CADPS2: variants seen among roughly 807,000 people sequenced by gnomAD.
CADPS2 encodes calcium-dependent secretion activator 2.
In CADPS2, 93 loss-of-function variants were observed where a neutral mutation model predicts 172.5. That is an observed-to-expected ratio of 0.54 (90% CI 0.46 to 0.64). The LOEUF is 0.64. Among genes scored for constraint, CADPS2 ranks in the 30% least tolerant of loss-of-function variants. The probability of loss-of-function intolerance (pLI) is 0.00; values close to 1 mark genes in which losing one functional copy is unlikely to be tolerated. For synonymous variants in CADPS2, 546 were observed against 555.2 expected (o/e 0.98, Z 0.23); for missense variants, 1,420 against 1,565.9 (o/e 0.91, Z 1.57).
At chr7:122,369,133 C>A (rs369504121) in intron 25 of CADPS2, among the ~76,000 whole-genome samples, 2 of 89,092 alleles carry the variant, frequency 2.2e-5, no homozygotes, top group South Asian at 5.1e-4. Flanking sequence ...TGTTTCCCCC[C>A]CCCCCCCCCT....
chr7:122,592,625 T>C (rs1433026903), intron 6 of CADPS2, among the ~76,000 whole-genome samples: 3 of 152,006 alleles, frequency 2.0e-5, no homozygotes, highest in Non-Finnish European at 1.5e-5. Context: ...TAAGAAAATG[T>C]GGCAATATAC....
chr7:122,656,600 T>C (rs1046734883), intron 3 of CADPS2, among the ~76,000 whole-genome samples: 2 of 152,054 alleles, frequency 1.3e-5, no homozygotes, highest in Admixed American at 1.3e-4. Flanking sequence ...TTAATCAGAT[T>C]AGAGGACACT....
At chr7:122,720,888 A>G (rs1007624077) in intron 2 of CADPS2, among the ~76,000 whole-genome samples, 9 of 152,002 alleles carry the variant, frequency 5.9e-5, no homozygotes, top group African/African-American at 2.2e-4. Flanking sequence ...TACATCAAAA[A>G]TGGCCAAATA....
At chr7:122,766,516 C>A (rs1259685968) in intron 1 of CADPS2, among the ~76,000 whole-genome samples, 3 of 152,084 alleles carry the variant, frequency 2.0e-5, no homozygotes, top group Non-Finnish European at 2.9e-5. Context: ...GCCCTAAAAA[C>A]CAAGTTTATT....
intron 8 of CADPS2, among the ~76,000 whole-genome samples, chr7:122,542,870 T>A (rs1029425911): frequency 6.6e-6 from 1 of 152,174 alleles, no homozygotes; most frequent in Non-Finnish European, 1.5e-5. Context: ...TTAATAAACA[T>A]CCATAAACAC....
intron 3 of CADPS2, among the ~76,000 whole-genome samples, chr7:122,635,273 T>A (rs1335523973): frequency 1.1e-5 from 1 of 91,658 alleles, no homozygotes; most frequent in Non-Finnish European, 2.8e-5. Context: ...TGTGGCTAAT[T>A]TTTTTTTTTA....
At chr7:122,526,735 C>T (rs908575063) in intron 8 of CADPS2, among the ~76,000 whole-genome samples, 5 of 152,156 alleles carry the variant, frequency 3.3e-5, no homozygotes, top group African/African-American at 1.2e-4. Context: ...GAACTTTCTG[C>T]ATTGCTAATT....
At chr7:122,415,856 T>G (rs1489770044) in intron 18 of CADPS2, among the ~76,000 whole-genome samples, 4 of 152,206 alleles carry the variant, frequency 2.6e-5, no homozygotes, top group Non-Finnish European at 5.9e-5. Context: ...AGGAGTTATG[T>G]TTTTAGAAAA....
At chr7:122,700,487 G>T (rs2085865657) in intron 2 of CADPS2, among the ~76,000 whole-genome samples, 1 of 152,080 alleles carries the variant, frequency 6.6e-6, no homozygotes, top group South Asian at 2.1e-4. Context: ...GGTAGTATAT[G>T]GTGTGTATAT....
intron 1 of CADPS2, among the ~76,000 whole-genome samples, chr7:122,814,904 T>C (rs933641179): frequency 1.3e-5 from 2 of 152,110 alleles, no homozygotes; most frequent in Non-Finnish European, 2.9e-5. Context: ...TCTGGGTAAG[T>C]AGAAACTTCC....
At chr7:122,460,253 A>C (rs2152092241) in intron 14 of CADPS2, among the ~76,000 whole-genome samples, 1 of 152,082 alleles carries the variant, frequency 6.6e-6, no homozygotes, top group East Asian at 1.9e-4. Context: ...AAGTAAAATA[A>C]TTCTCCCAAG....
intron 1 of CADPS2, among the ~76,000 whole-genome samples, chr7:122,876,232 A>T (rs1821170883): frequency 6.6e-6 from 1 of 152,198 alleles, no homozygotes; most frequent in Non-Finnish European, 1.5e-5. Flanking sequence ...AGGCAGGAGA[A>T]TCACTTGAAC....
At chr7:122,556,233 T>C (rs1384648711) in intron 7 of CADPS2, among the ~76,000 whole-genome samples, 4 of 152,118 alleles carry the variant, frequency 2.6e-5, no homozygotes, top group Non-Finnish European at 2.9e-5. Context: ...AATAAGCTGA[T>C]AGCTTTTGGC....
chr7:122,453,049 A>G (rs2053332600), intron 14 of CADPS2, among the ~76,000 whole-genome samples: 1 of 152,172 alleles, frequency 6.6e-6, no homozygotes, highest in Non-Finnish European at 1.5e-5. Flanking sequence ...TAGAGTACAT[A>G]ATTTTTACTT....
intron 8 of CADPS2, among the ~76,000 whole-genome samples, chr7:122,527,358 A>G (rs1455153503): frequency 6.6e-6 from 1 of 151,644 alleles, no homozygotes; most frequent in East Asian, 1.9e-4. Context: ...GGAACAGAAT[A>G]TATTATATGT....
chr7:122,392,732 T>C (rs907566674), intron 22 of CADPS2, among the ~76,000 whole-genome samples: 4 of 152,180 alleles, frequency 2.6e-5, no homozygotes, highest in Non-Finnish European at 5.9e-5. Flanking sequence ...AGTACTGTTT[T>C]TTAAAAGTTG....
chr7:122,576,612 G>A (rs2132693992), intron 7 of CADPS2, among the ~76,000 whole-genome samples: 1 of 152,164 alleles, frequency 6.6e-6, no homozygotes, highest in African/African-American at 2.4e-5. Flanking sequence ...ATCTGATATG[G>A]TTAGGCTTTG....
chr7:122,822,882 C>T (rs1366135410), intron 1 of CADPS2, among the ~76,000 whole-genome samples: 1 of 152,010 alleles, frequency 6.6e-6, no homozygotes, highest in East Asian at 1.9e-4. Flanking sequence ...GGCCCCACCC[C>T]TATCTCCCTT....
At chr7:122,707,671 C>T (rs969907065) in intron 2 of CADPS2, among the ~76,000 whole-genome samples, 3 of 151,642 alleles carry the variant, frequency 2.0e-5, no homozygotes, top group South Asian at 2.1e-4. Context: ...TGAATCATAA[C>T]GAGATCTGAG....
Sources: gnomAD v4.1 joint callset for allele counts (sites outside exome capture counted in the v4.1 genomes callset) on GRCh38, gnomAD v4.1.1 for gene constraint, MANE v1.5 for transcripts, NCBI Gene and HGNC (gene_info 2026-07-23, HGNC 2026-07-21) for gene names.